NTNG2: variants seen among roughly 807,000 people sequenced by gnomAD.
NTNG2 encodes the protein netrin-G2.
NTNG2 carries 15 observed loss-of-function variants against 47.6 expected under a neutral mutation model. That is an observed-to-expected ratio of 0.32 (90% confidence interval 0.21 to 0.49). NTNG2 has a LOEUF of 0.49. Ranked by LOEUF, NTNG2 falls within the 20% of genes least tolerant of loss-of-function variation. The pLI is 0.99. For synonymous variants in NTNG2, 307 were observed against 324.6 expected, an observed-to-expected ratio of 0.95 and a Z score of 0.58; for missense variants, 578 against 764.6, an observed-to-expected ratio of 0.76 and a Z score of 2.88.
chr9:132,238,977 C>A, intron 5 of NTNG2, 127 bp from the exon 6 acceptor site: 1 of 965,966 alleles, frequency 1.0e-6, no homozygotes, highest in Non-Finnish European at 1.6e-6. Context: ...GGGCACCTTC[C>A]GGTACCTTTT....
chr9:132,206,274 G>A (rs1309851380), intron 3 of NTNG2, among the ~76,000 whole-genome samples: 1 of 152,208 alleles, frequency 6.6e-6, no homozygotes, highest in East Asian at 1.9e-4. Flanking sequence ...GTTGGTGAGA[G>A]CCCCTAGTTT....
At chr9:132,170,257 G>A (rs551783047) in intron 2 of NTNG2, among the ~76,000 whole-genome samples, 13 of 152,350 alleles carry the variant, frequency 8.5e-5, no homozygotes, top group African/African-American at 3.1e-4. Flanking sequence ...AGCCTTGCAA[G>A]GAAGGGGAGG....
intron 6 of NTNG2, chr9:132,240,503 G>A: frequency 3.4e-6 from 1 of 296,936 alleles, no homozygotes; most frequent in South Asian, 3.1e-5. Flanking sequence ...AAGGAGCTAT[G>A]GAGGGGGGCC....
At chr9:132,209,784 G>A (rs111364952) in intron 3 of NTNG2, among the ~76,000 whole-genome samples, 25 of 152,230 alleles carry the variant, frequency 1.6e-4, no homozygotes, top group African/African-American at 5.5e-4. Context: ...TGCTCGGAAG[G>A]GGAGCAGAGA....
At chr9:132,209,832 A>G (rs1839451786) in intron 3 of NTNG2, among the ~76,000 whole-genome samples, 1 of 129,142 alleles carries the variant, frequency 7.7e-6, no homozygotes, top group Non-Finnish European at 1.6e-5. Flanking sequence ...GGGAGGGGAG[A>G]GGGCTCTTCC....
intron 3 of NTNG2, among the ~76,000 whole-genome samples, chr9:132,216,813 G>C (rs1840028244): frequency 6.6e-6 from 1 of 152,192 alleles, no homozygotes; most frequent in Admixed American, 6.5e-5. Flanking sequence ...TGCCCGCCCA[G>C]GTCCAGATCC....
At chr9:132,211,469 A>C (rs1486264223) in intron 3 of NTNG2, among the ~76,000 whole-genome samples, 1 of 151,786 alleles carries the variant, frequency 6.6e-6, no homozygotes, top group Non-Finnish European at 1.5e-5. Flanking sequence ...CTGACCTTAG[A>C]CTCAAGTCTG....
At chr9:132,223,798 C>T (rs1840527047) in intron 3 of NTNG2, among the ~76,000 whole-genome samples, 1 of 152,176 alleles carries the variant, frequency 6.6e-6, no homozygotes, top group Non-Finnish European at 1.5e-5. Flanking sequence ...CCAGACAAAC[C>T]AGTCTCCATG....
intron 2 of NTNG2, among the ~76,000 whole-genome samples, chr9:132,178,259 G>C (rs937886392): frequency 6.6e-6 from 1 of 151,906 alleles, no homozygotes; most frequent in African/African-American, 2.4e-5. Context: ...CTCAGAGCAG[G>C]GTCCTTGGAA....
chr9:132,174,921 C>CAAAA (rs10656671), intron 2 of NTNG2, among the ~76,000 whole-genome samples: 1,481 of 147,022 alleles, frequency 0.01, 25 homozygotes, highest in African/African-American at 0.034. Context: ...GACTCTGTCT[C>CAAAA]AAAAAAAAAA....
At chr9:132,205,803 C>T (rs570254587) in intron 3 of NTNG2, among the ~76,000 whole-genome samples, 45 of 152,060 alleles carry the variant, frequency 3.0e-4, no homozygotes, top group Non-Finnish European at 5.1e-4. Context: ...ATCACTTGAA[C>T]CAGGGAAGTG....
In NTNG2 at chr9:132,239,386, A is replaced by T. The variant is rs2131042447; in HGVS notation, c.1222+115A>T. 3 of 981,628 alleles carry T rather than the reference A, an allele frequency of 3.1e-6. No individual in the cohort carries two copies. The East Asian group carries it at 7.5e-5, about 25-fold the overall frequency. 60.8% of individuals were successfully genotyped at this position (981,628 alleles called of 1,614,324 possible). A position where few individuals can be genotyped will look rare whatever the true frequency, so the allele number is the denominator to read the frequency against. On this transcript the variant is annotated intron_variant, in intron 6 of 7. Transcript: ENST00000393229. Reference sequence around the variant, plus strand: ...CAGAATCACCTGGGGAGACTGTGGGAATTCTAACTCCAGGGCCCTCTCCAG... The same window carrying T: ...CAGAATCACCTGGGGAGACTGTGGGTATTCTAACTCCAGGGCCCTCTCCAG...
At chr9:132,237,957 G>A (rs1040085463) in intron 5 of NTNG2, among the ~76,000 whole-genome samples, 9 of 152,150 alleles carry the variant, frequency 5.9e-5, no homozygotes, top group Admixed American at 1.3e-4. Context: ...AGGTGGGAGT[G>A]CCCACCATCT....
chr9:132,221,995 C>G lies in NTNG2; in HGVS notation c.858-4854C>G, dbSNP rs967182756. 2.0e-5 allele frequency among the ~76,000 whole-genome samples: 3 copies of G among 152,246 alleles called. No individual in the cohort carries two copies. The highest frequency in any genetic ancestry group is 4.4e-5 in the Non-Finnish European group (3 of 68,042). ...TGCGGAGCACAGCCCCGGTTCCGTA[C>G]AGCTGAGGTGTTCCTCTCCAGCCAG... On this transcript the variant is annotated intron_variant, in intron 3 of 7. Transcript: ENST00000393229. This position sits in a 1 kb window ranked among gnomAD's most constrained non-coding sequence, Gnocchi z 4.2.
intron 2 of NTNG2, among the ~76,000 whole-genome samples, chr9:132,181,583 G>A (rs73561516): frequency 0.099 from 15,120 of 152,196 alleles, 1,186 homozygotes; most frequent in African/African-American, 0.2. Flanking sequence ...CCAAAGTGTC[G>A]GGATTACAGG....
intron 5 of NTNG2, among the ~76,000 whole-genome samples, chr9:132,235,702 T>C (rs989735869): frequency 2.6e-5 from 4 of 152,176 alleles, no homozygotes; most frequent in Non-Finnish European, 2.9e-5. Flanking sequence ...TGGTCCCAGG[T>C]GGCCTCCCGT....
chr9:132,197,217 T>C lies in NTNG2; in HGVS notation c.214-749T>C, dbSNP rs1838380220. On this transcript the variant is annotated intron_variant, in intron 2 of 7. Transcript: ENST00000393229. The surrounding 1 kb of genome is among the most constrained non-coding windows in gnomAD (Gnocchi z 4.3). ...CAGCCTGGCCAACATGGCGAAACCC[T>C]GTCTCTACTAAAAACACAAAAATTA... 6.6e-6 allele frequency among the ~76,000 whole-genome samples: 1 copy of C among 152,090 alleles called. No homozygotes were observed. Among genetic ancestry groups the C allele is most frequent in the Non-Finnish European group, 1.5e-5 (1 of 68,018 alleles).
At position 132,242,141 on chromosome 9, in the gene NTNG2, G is replaced by T; in HGVS notation, c.*30G>T. On this transcript the variant is annotated 3_prime_UTR_variant, in exon 8 of 8. Coordinates refer to ENST00000393229, the MANE Select transcript of NTNG2 (RefSeq NM_032536.4). This position sits in a 1 kb window ranked among gnomAD's most constrained non-coding sequence, Gnocchi z 5.9. ...CGCCCGGAGGACGCTCCCCGCACCC[G>T]GAGGCCGGGGGTCCCGGGGTCCCGG... 1 of 1,053,394 alleles carries T rather than the reference G, an allele frequency of 9.5e-7. No individual in the cohort carries two copies. The highest frequency in any genetic ancestry group is 4.5e-5 in the South Asian group (1 of 22,172). The allele number at this position is 1,053,394 out of a possible 1,614,324, so 65.3% of individuals were successfully genotyped here. A position where few individuals can be genotyped will look rare whatever the true frequency, so the allele number is the denominator to read the frequency against.
chr9:132,167,156 C>T, intron 2 of NTNG2, 112 bp downstream of exon 2: 1 of 1,184,140 alleles, frequency 8.4e-7, no homozygotes, highest in South Asian at 1.4e-5. Flanking sequence ...GGCTGACTTT[C>T]CTGCCTCTTG....
Sources: gnomAD v4.1 joint callset for allele counts (sites outside exome capture counted in the v4.1 genomes callset) on GRCh38, gnomAD v4.1.1 for gene constraint, Gnocchi (gnomAD v3.1) non-coding constraint, MANE v1.5 for transcripts, NCBI Gene and HGNC (gene_info 2026-07-23, HGNC 2026-07-21) for gene names.